CCDC60: variants seen among roughly 807,000 people sequenced by gnomAD.
CCDC60 encodes coiled-coil domain-containing protein 60.
A neutral mutation model predicts 63.5 loss-of-function variants in CCDC60; 54 were observed. That is an observed-to-expected ratio of 0.85 (90% CI 0.68 to 1.07). The LOEUF (loss-of-function observed/expected upper bound fraction) is 1.07. Ranked by LOEUF, CCDC60 falls within the 50% of genes least tolerant of loss-of-function variation. CCDC60 has a pLI of 0.00. For synonymous variants in CCDC60, 206 were observed against 238.8 expected, an observed-to-expected ratio of 0.86 and a Z score of 1.27; for missense variants, 651 against 684.3, an observed-to-expected ratio of 0.95 and a Z score of 0.54.
chr12:119,385,448 A>G (rs1054888097), intron 1 of CCDC60, among the ~76,000 whole-genome samples: 11 of 152,230 alleles, frequency 7.2e-5, no homozygotes, highest in Admixed American at 4.6e-4. Flanking sequence ...GTGATAGTGA[A>G]TAAGTCTCAC....
At chr12:119,503,766 A>G (rs1223138758) in intron 6 of CCDC60, among the ~76,000 whole-genome samples, 1 of 152,158 alleles carries the variant, frequency 6.6e-6, no homozygotes, top group Non-Finnish European at 1.5e-5. Context: ...CTGATCACAT[A>G]CAGTGGACTC....
rs1265305817 is a variant in CCDC60, at chr12:119,335,114, G to A, written c.-63G>A. Reference sequence around the variant, plus strand: ...ACTTCTCATACCAGTAACTACTGAAGTAGAAGATTCTGGAAAAATCCTTGT... The same window carrying A: ...ACTTCTCATACCAGTAACTACTGAAATAGAAGATTCTGGAAAAATCCTTGT... On this transcript the variant is annotated 5_prime_UTR_variant, in exon 1 of 14. Transcript: ENST00000327554. 1.5e-6 allele frequency: 2 copies of A among 1,368,820 alleles called. No homozygotes were observed. Among genetic ancestry groups the A allele is most frequent in the African/African-American group, 1.5e-5 (1 of 68,354 alleles). 84.8% of individuals were successfully genotyped at this position (1,368,820 alleles called of 1,614,324 possible).
chr12:119,369,115 G>A (rs933235814), intron 1 of CCDC60, among the ~76,000 whole-genome samples: 6 of 152,308 alleles, frequency 3.9e-5, no homozygotes, highest in Middle Eastern at 3.4e-3. Flanking sequence ...GGAGGTAAAA[G>A]CAGGCAGGCA....
intron 2 of CCDC60, among the ~76,000 whole-genome samples, chr12:119,450,722 G>A (rs1950614738): frequency 6.6e-6 from 1 of 152,136 alleles, no homozygotes; most frequent in South Asian, 2.1e-4. Context: ...CTAGGCTTTG[G>A]TGGTGCGTGC....
At chr12:119,414,910 T>C (rs530051787) in intron 1 of CCDC60, among the ~76,000 whole-genome samples, 2 of 152,204 alleles carry the variant, frequency 1.3e-5, no homozygotes, top group Non-Finnish European at 2.9e-5. Context: ...CACTGACCAA[T>C]TGTGTAACCT....
intron 6 of CCDC60, among the ~76,000 whole-genome samples, chr12:119,504,119 G>GA (rs1423685527): frequency 6.6e-6 from 1 of 151,922 alleles, no homozygotes. Flanking sequence ...CGATGTCACT[G>GA]AAAAAAAACT....
chr12:119,456,036 AAAG>A lies in CCDC60; in HGVS notation c.171-15955_171-15953del, dbSNP rs1234016688. On this transcript the variant is annotated intron_variant, in intron 2 of 13. Coordinates refer to ENST00000327554, the MANE Select transcript of CCDC60 (RefSeq NM_178499.5). This position sits in a 1 kb window ranked among gnomAD's most constrained non-coding sequence, Gnocchi z 4.6. Reference sequence around the variant, plus strand: ...GAAAGAAAGAAAGAAAGAAAGAAAGAAAGAAAGAAAGAAAGAAAGAAAGAAAGC... The same window carrying A: ...GAAAGAAAGAAAGAAAGAAAGAAAGAAAAGAAAGAAAGAAAGAAAGAAAGC... 3.8e-4 allele frequency among the ~76,000 whole-genome samples: 55 copies of A among 144,890 alleles called. 4 individuals are homozygous for A. In the South Asian group the frequency reaches 0.011, roughly 29 times the overall value.
At chr12:119,530,112 C>T (rs982886733) in intron 12 of CCDC60, among the ~76,000 whole-genome samples, 5 of 152,058 alleles carry the variant, frequency 3.3e-5, no homozygotes, top group African/African-American at 9.7e-5. Context: ...TTCTCCTCAA[C>T]GGGACTTTAT....
intron 4 of CCDC60, among the ~76,000 whole-genome samples, chr12:119,485,094 T>C (rs868740845): frequency 6.6e-6 from 1 of 152,230 alleles, no homozygotes; most frequent in Non-Finnish European, 1.5e-5. Context: ...AGCAGGAATA[T>C]GTATCAGGAG....
intron 1 of CCDC60, among the ~76,000 whole-genome samples, chr12:119,407,877 A>T (rs1956522488): frequency 6.6e-6 from 1 of 152,206 alleles, no homozygotes; most frequent in South Asian, 2.1e-4. Context: ...TCAATACTAC[A>T]ATCTACTGTC....
rs60009617 is a variant in CCDC60 at position 119,337,824 on chromosome 12, T to TTGTGTGTG, written c.90+2592_90+2599dup. On this transcript the variant is annotated intron_variant, in intron 1 of 13. Transcript: ENST00000327554. ...GATTCACGCATGTGTGTGTGTGTAT[T>TTGTGTGTG]TGTGTGTGTGTGTGTGTGTGTGTGT... Among the ~76,000 whole-genome samples, 462 of 140,646 alleles carry TTGTGTGTG rather than the reference T, an allele frequency of 3.3e-3. 2 individuals carry two copies. The highest frequency in any genetic ancestry group is 0.023 in the Middle Eastern group (6 of 266). The allele number at this position is 140,646 out of a possible 152,430, so 92.3% of individuals were successfully genotyped here.
At chr12:119,368,042 A>G (rs1169153618) in intron 1 of CCDC60, among the ~76,000 whole-genome samples, 3 of 147,472 alleles carry the variant, frequency 2.0e-5, no homozygotes, top group Non-Finnish European at 4.5e-5. Context: ...ATGTCAATAA[A>G]TCTGTTTTTC....
intron 12 of CCDC60, 80 bp downstream of exon 12, chr12:119,528,826 C>G: frequency 6.9e-7 from 1 of 1,454,980 alleles, no homozygotes; most frequent in East Asian, 2.3e-5. Flanking sequence ...ATTGATTCCA[C>G]TGTCCTTCAA....
chr12:119,397,747 G>A (rs550750949), intron 1 of CCDC60, among the ~76,000 whole-genome samples: 2 of 72,348 alleles, frequency 2.8e-5, no homozygotes, highest in African/African-American at 1.2e-4. Context: ...CAATGGGACC[G>A]GGTACCACGG....
At chr12:119,403,307 C>T (rs1421797465) in intron 1 of CCDC60, among the ~76,000 whole-genome samples, 5 of 152,140 alleles carry the variant, frequency 3.3e-5, no homozygotes, top group Non-Finnish European at 7.3e-5. Flanking sequence ...CCCGTGTTCA[C>T]CTCCGAAGCC....
intron 2 of CCDC60, among the ~76,000 whole-genome samples, chr12:119,468,689 A>T (rs924951859): frequency 6.6e-5 from 10 of 152,072 alleles, no homozygotes; most frequent in Middle Eastern, 3.4e-3. Flanking sequence ...AATGAAAAGA[A>T]TTTTATTTAA....
At chr12:119,339,555 G>C (rs766918826) in intron 1 of CCDC60, among the ~76,000 whole-genome samples, 1 of 152,180 alleles carries the variant, frequency 6.6e-6, no homozygotes, top group Non-Finnish European at 1.5e-5. Flanking sequence ...GGGGGGCCGA[G>C]GCAGGAGGAT....
chr12:119,383,971 C>T (rs567667483), intron 1 of CCDC60, among the ~76,000 whole-genome samples: 2 of 151,964 alleles, frequency 1.3e-5, no homozygotes, highest in Non-Finnish European at 2.9e-5. Context: ...CCGAGGCGGG[C>T]GGATCACGAG....
At chr12:119,453,549 C>T (rs1398508866) in intron 2 of CCDC60, among the ~76,000 whole-genome samples, 1 of 152,180 alleles carries the variant, frequency 6.6e-6, no homozygotes, top group Non-Finnish European at 1.5e-5. Flanking sequence ...TTGTGAATTA[C>T]TTCATAAGGC....
Sources: allele counts gnomAD v4.1 joint callset (sites outside exome capture counted in the v4.1 genomes callset), GRCh38; gene constraint gnomAD v4.1.1; non-coding constraint Gnocchi (gnomAD v3.1); transcripts MANE v1.5; gene names NCBI Gene and HGNC (gene_info 2026-07-23, HGNC 2026-07-21).